Variants in TMEM132B observed in about 807,000 individuals in gnomAD.
The protein encoded by TMEM132B is transmembrane protein 132B.
Under a neutral mutation model 90.8 loss-of-function variants are expected in TMEM132B, and 18 were observed. That is an observed-to-expected ratio of 0.20 (90% CI 0.14 to 0.29). The LOEUF is 0.29. Ranked by LOEUF, TMEM132B falls within the 10% of genes least tolerant of loss-of-function variation. The pLI, the probability that TMEM132B is intolerant of heterozygous loss-of-function variation, is 1.00. For missense variants in TMEM132B, 1,096 were observed against 1,326.8 expected, an observed-to-expected ratio of 0.83 and a Z score of 2.70; for synonymous variants, 504 against 523.3, an observed-to-expected ratio of 0.96 and a Z score of 0.50.
chr12:125,478,608 A>G (rs1881955002), intron 3 of TMEM132B, among the ~76,000 whole-genome samples: 1 of 152,254 alleles, frequency 6.6e-6, no homozygotes, highest in Admixed American at 6.5e-5. Flanking sequence ...ATATGGGACT[A>G]TGTGAAAAGA....
At chr12:125,625,130 C>CTTTTTTTTTTTTTTT (rs1169262449) in intron 5 of TMEM132B, among the ~76,000 whole-genome samples, 2 of 103,912 alleles carry the variant, frequency 1.9e-5, no homozygotes, top group Non-Finnish European at 3.6e-5. Flanking sequence ...GATTTGACTT[C>CTTTTTTTTTTTTTTT]TTTTTTTTTT....
chr12:125,319,388 G>A (rs780769267), intron 1 of TMEM132B, among the ~76,000 whole-genome samples: 2 of 152,200 alleles, frequency 1.3e-5, no homozygotes, highest in African/African-American at 2.4e-5. Flanking sequence ...GGGTCCCAAC[G>A]CCTCCACATT....
intron 1 of TMEM132B, among the ~76,000 whole-genome samples, chr12:125,206,518 G>A (rs1041571896): frequency 4.6e-5 from 7 of 152,132 alleles, no homozygotes; most frequent in African/African-American, 1.7e-4. Flanking sequence ...GATTACAGGA[G>A]TGAACTACTG....
At chr12:125,472,703 G>A (rs1881754855) in intron 3 of TMEM132B, among the ~76,000 whole-genome samples, 1 of 152,104 alleles carries the variant, frequency 6.6e-6, no homozygotes, top group Admixed American at 6.5e-5. Flanking sequence ...GAGGCCTAAG[G>A]GAGCTTGTTC....
chr12:125,537,159 C>A (rs185799039), intron 4 of TMEM132B, among the ~76,000 whole-genome samples: 49 of 152,242 alleles, frequency 3.2e-4, no homozygotes, highest in African/African-American at 1.1e-3. Flanking sequence ...CCCTGGGGAA[C>A]CCACATATAC....
intron 5 of TMEM132B, among the ~76,000 whole-genome samples, chr12:125,616,165 A>T (rs1228495905): frequency 1.5e-5 from 2 of 134,722 alleles, no homozygotes; most frequent in Non-Finnish European, 3.1e-5. Flanking sequence ...TTCAATTCCC[A>T]CCTATGAGTG....
rs138693621 is a variant in TMEM132B at position 125,657,268 on chromosome 12, G to A, written c.*2558G>A. ...AATAACAATCAAATGGAAGGCCATG[G>A]GGGAAGGGTTCCTTCCACCATATAA... is the stretch of plus-strand genomic sequence containing the variant. On this transcript the variant is annotated 3_prime_UTR_variant, in exon 9 of 9. Transcript: ENST00000682704. 1 of 152,164 alleles carries A rather than the reference G, an allele frequency of 6.6e-6. No individual in the cohort carries two copies. Among genetic ancestry groups the A allele is most frequent in the African/African-American group, 2.4e-5 (1 of 41,478 alleles). The allele number at this position is 152,164 out of a possible 1,614,324, so 9.4% of individuals were successfully genotyped here. A position where few individuals can be genotyped will look rare whatever the true frequency, so the allele number is the denominator to read the frequency against.
At chr12:125,375,559 T>C (rs1049722936) in intron 2 of TMEM132B, among the ~76,000 whole-genome samples, 16 of 152,246 alleles carry the variant, frequency 1.1e-4, no homozygotes, top group African/African-American at 3.9e-4. Context: ...AGATATGTGA[T>C]GTCAGCTACG....
chr12:125,301,917 A>T (rs1044656120), intron 1 of TMEM132B: 2 of 145,886 alleles, frequency 1.4e-5, no homozygotes, highest in Admixed American at 6.9e-5. Context: ...AAAAGAAAAA[A>T]TTGGCTGGGT....
intron 1 of TMEM132B, among the ~76,000 whole-genome samples, chr12:125,217,734 G>A (rs1013386919): frequency 6.6e-6 from 1 of 152,208 alleles, no homozygotes; most frequent in East Asian, 1.9e-4. Flanking sequence ...AATTACAGGT[G>A]TGAGCTACCA....
At chr12:125,418,332 T>C (rs1162608883) in intron 3 of TMEM132B, among the ~76,000 whole-genome samples, 1 of 152,152 alleles carries the variant, frequency 6.6e-6, no homozygotes, top group Non-Finnish European at 1.5e-5. Context: ...TATGAGACAC[T>C]CTCACATTGT....
At chr12:125,275,648 T>C (rs543633561) in intron 1 of TMEM132B, among the ~76,000 whole-genome samples, 6 of 152,360 alleles carry the variant, frequency 3.9e-5, no homozygotes, top group African/African-American at 9.6e-5. Context: ...AAGTTGACTA[T>C]GTCCCACCTT....
chr12:125,432,511 G>GTGTGTA (rs1555248848), intron 3 of TMEM132B, among the ~76,000 whole-genome samples: 345 of 18,540 alleles, frequency 0.019, 94 homozygotes, highest in Middle Eastern at 0.062. Flanking sequence ...ATGTGTGTGT[G>GTGTGTA]TATATATATA....
chr12:125,418,030 A>G (rs1247968846), intron 3 of TMEM132B, among the ~76,000 whole-genome samples: 1 of 152,090 alleles, frequency 6.6e-6, no homozygotes, highest in Non-Finnish European at 1.5e-5. Flanking sequence ...CCTTAGTCTC[A>G]TGCCTCCTGC....
intron 1 of TMEM132B, among the ~76,000 whole-genome samples, chr12:125,221,829 A>G (rs1393198429): frequency 6.6e-6 from 1 of 152,206 alleles, no homozygotes; most frequent in Admixed American, 6.5e-5. Flanking sequence ...AAGGTCTGGT[A>G]TAACTTGGAC....
intron 1 of TMEM132B, among the ~76,000 whole-genome samples, chr12:125,204,464 T>C (rs112009776): frequency 9.2e-6 from 1 of 109,130 alleles, no homozygotes; most frequent in Non-Finnish European, 2.1e-5. Flanking sequence ...TGTGCTTAGC[T>C]CTTTATGTGG....
chr12:125,560,020 T>C (rs1884481288), intron 4 of TMEM132B, among the ~76,000 whole-genome samples: 1 of 152,194 alleles, frequency 6.6e-6, no homozygotes, highest in South Asian at 2.1e-4. Flanking sequence ...CGCTTCTTAA[T>C]GCAAGGAAGT....
chr12:125,412,362 G>C (rs1271462166), intron 2 of TMEM132B, among the ~76,000 whole-genome samples: 1 of 152,214 alleles, frequency 6.6e-6, no homozygotes, highest in Non-Finnish European at 1.5e-5. Context: ...CAATTAAGGA[G>C]CTAAAGTGTG....
rs1454877322 is a variant in TMEM132B, at chr12:125,656,824, T to C, written c.*2114T>C. 2 of 152,224 alleles carry C rather than the reference T, an allele frequency of 1.3e-5. No homozygotes were observed. Among genetic ancestry groups the C allele is most frequent in the Non-Finnish European group, 2.9e-5 (2 of 68,058 alleles). 9.4% of individuals were successfully genotyped at this position (152,224 alleles called of 1,614,324 possible). A position where few individuals can be genotyped will look rare whatever the true frequency, so the allele number is the denominator to read the frequency against. The stretch of plus-strand genomic sequence containing the variant: ...CGGCTCCTTCTATGAGGCTTTTCAA[T>C]CGTCTCTCCCTTTGGATCTCTGGCA... On this transcript the variant is annotated 3_prime_UTR_variant, in exon 9 of 9. Transcript: ENST00000682704.
Sources: allele counts gnomAD v4.1 joint callset (sites outside exome capture counted in the v4.1 genomes callset), GRCh38; gene constraint gnomAD v4.1.1; transcripts MANE v1.5; gene names NCBI Gene and HGNC (gene_info 2026-07-23, HGNC 2026-07-21).